The following UBQLN4 variants were observed in gnomAD, a reference collection of about 807,000 sequenced individuals.
The protein encoded by UBQLN4 is ubiquilin-4.
UBQLN4 carries 11 observed loss-of-function variants against 60.4 expected under a neutral mutation model. That is an observed-to-expected ratio of 0.18 (90% confidence interval 0.11 to 0.30). The LOEUF (loss-of-function observed/expected upper bound fraction) is 0.30. UBQLN4 is among the 10% of genes least tolerant of loss of function. UBQLN4 has a pLI of 1.00. For synonymous variants in UBQLN4, 258 were observed against 313.1 expected (o/e 0.82, Z 1.86); for missense variants, 417 against 795.5 (o/e 0.52, Z 5.72).
At position 156,050,233 on chromosome 1, in the gene UBQLN4, TG is replaced by T; in HGVS notation, c.741+57del. The T allele has an allele frequency of 6.6e-7, 1 of 1,508,004 alleles. No homozygotes were observed. Among genetic ancestry groups the T allele is most frequent in the Admixed American group, 2.2e-5 (1 of 45,094 alleles). 93.4% of individuals were successfully genotyped at this position (1,508,004 alleles called of 1,614,324 possible). ...CAATGTAGGACAAAGTAGGAAAGGC[TG>T]GGCAGGGCACGGCTGGGCACCAGTG... On this transcript the variant is annotated intron_variant, in intron 4 of 10. Coordinates refer to ENST00000368309, the MANE Select transcript of UBQLN4 (RefSeq NM_020131.5). This position sits in a 1 kb window ranked among gnomAD's most constrained non-coding sequence, Gnocchi z 4.6.
At chr1:156,041,389 C>A in intron 10 of UBQLN4, 96 bp downstream of exon 10, 1 of 1,357,708 alleles carries the variant, frequency 7.4e-7, no homozygotes, top group Non-Finnish European at 9.8e-7. Flanking sequence ...GACCTGACTC[C>A]CAAGCTTGCC....
At chr1:156,040,732 G>A (rs1041863323) in intron 10 of UBQLN4, among the ~76,000 whole-genome samples, 6 of 152,246 alleles carry the variant, frequency 3.9e-5, no homozygotes, top group South Asian at 2.1e-4. Flanking sequence ...GATTACAGGC[G>A]TGAGCCACCG....
At chr1:156,042,028 G>A (rs1309186014) in intron 8 of UBQLN4, 41 bp from the exon 9 acceptor site, 1 of 1,612,806 alleles carries the variant, frequency 6.2e-7, no homozygotes, top group East Asian at 2.2e-5. Context: ...AGAGGTGGCA[G>A]GAAAGAGGAG....
At chr1:156,033,106 G>A (rs754835724), downstream of UBQLN4, 16 of 629,238 alleles carry the variant, frequency 2.5e-5, no homozygotes, top group South Asian at 7.0e-5. Context: ...CAAGTTGTCT[G>A]TCCATGTTTT....
downstream of UBQLN4, among the ~76,000 whole-genome samples, chr1:156,034,825 CTATATATA>C (rs34720108): frequency 0.012 from 558 of 46,354 alleles, 7 homozygotes; most frequent in African/African-American, 0.033. Flanking sequence ...CCTTAACCTT[CTATATATA>C]TATATATATA....
rs1264234854 is a variant in UBQLN4, at chr1:156,051,711, A to T, written c.255T>A (p.Pro85=). 29 of 1,613,384 alleles carry T rather than the reference A, an allele frequency of 1.8e-5. No homozygotes were observed. The highest frequency in any genetic ancestry group is 2.4e-5 in the Non-Finnish European group (28 of 1,179,976). ...TGCTCTGCTCCTGAACTTACTTCTG[A>T]GGGGTCTTGATGACCAGATGGACAG... ...GLTVHLVIKT[P]QKAQDPAAAT... is the part of the protein sequence containing the mutation. Residue 85 remains proline (P), a synonymous_variant, in exon 2 of 11, where the codon CCT becomes CCA. Coordinates refer to ENST00000368309, the MANE Select transcript of UBQLN4 (RefSeq NM_020131.5).
chr1:156,035,786 C>T lies in UBQLN4; in HGVS notation c.*1192G>A, dbSNP rs1359417244. The T allele has an allele frequency of 5.5e-5, 54 of 985,536 alleles. 1 individual carries two copies. The South Asian group carries it at 6.1e-4, about 11-fold the overall frequency. The allele number at this position is 985,536 out of a possible 1,614,324, so 61.0% of individuals were successfully genotyped here. A position where few individuals can be genotyped will look rare whatever the true frequency, so the allele number is the denominator to read the frequency against. ...AGAGCCCCAAGGGACCTAGCTCTCC[C>T]GGATATATATTCCTGCAATGGACTG... On this transcript the variant is annotated 3_prime_UTR_variant, in exon 11 of 11. Transcript: ENST00000368309.
intron 5 of UBQLN4, among the ~76,000 whole-genome samples, chr1:156,047,525 C>T (rs1683739527): frequency 1.3e-5 from 2 of 151,394 alleles, no homozygotes; most frequent in African/African-American, 4.9e-5. Flanking sequence ...TTACAGGTGT[C>T]AGCCACTGCG....
intron 6 of UBQLN4, among the ~76,000 whole-genome samples, chr1:156,043,650 C>T (rs757296183): frequency 7.2e-5 from 11 of 152,140 alleles, no homozygotes; most frequent in Non-Finnish European, 1.3e-4. Flanking sequence ...CCCTTTCCCC[C>T]AGCCTCACAT....
At chr1:156,035,102 G>T (rs1683369623), downstream of UBQLN4, among the ~76,000 whole-genome samples, 1 of 150,592 alleles carries the variant, frequency 6.6e-6, no homozygotes. Context: ...AATATTTCTT[G>T]TTTTTTTGAG....
At chr1:156,046,034 T>C (rs1484395544) in intron 5 of UBQLN4, among the ~76,000 whole-genome samples, 3 of 151,568 alleles carry the variant, frequency 2.0e-5, no homozygotes, top group Non-Finnish European at 4.4e-5. Flanking sequence ...TTAGTAGAGA[T>C]GGGGTTTCGC....
In UBQLN4 at chr1:156,051,120, C is replaced by T. The variant is rs144103522; in HGVS notation, c.468G>A (p.Ala156=). 1.1e-4 allele frequency: 174 copies of T among 1,613,432 alleles called. 1 individual carries two copies. The highest frequency in any genetic ancestry group is 1.1e-3 in the East Asian group (48 of 44,878). ...GAGEGSPSAT[A]SILSGFGGIL... ...TCTCTGAGGGCTTACAGAGTATGGA[C>T]GCAGTAGCACTGGGGGATCCCTCCC... Residue 156 remains alanine, a synonymous_variant, in exon 3 of 11, where the codon GCG becomes GCA. Transcript: ENST00000368309.
chr1:156,033,406 G>A (rs1683328094), downstream of UBQLN4: 3 of 570,322 alleles, frequency 5.3e-6, no homozygotes, highest in Non-Finnish European at 6.6e-6. Context: ...TTGTTTTTTT[G>A]CTAGATGTAT....
At position 156,043,901 on chromosome 1, in the gene UBQLN4, G is replaced by A. The variant is rs1300504545; in HGVS notation, c.1126+97C>T. 7.5e-6 allele frequency: 10 copies of A among 1,336,446 alleles called. No individual in the cohort carries two copies. In the Admixed American group the frequency reaches 2.1e-4, roughly 27 times the overall value. The allele number at this position is 1,336,446 out of a possible 1,614,324, so 82.8% of individuals were successfully genotyped here. On this transcript the variant is annotated intron_variant, in intron 6 of 10. Coordinates refer to ENST00000368309, the MANE Select transcript of UBQLN4 (RefSeq NM_020131.5). ...CTGTGGCCTCGATAGTCTCACCTCT[G>A]TCTTCAAAATCCTGGAGCAGTATGA...
chr1:156,041,608 C>T lies in UBQLN4; in HGVS notation c.1530G>A (p.Thr510=), dbSNP rs368707512. The change falls in exon 10 of 11, where the codon ACG becomes ACA. Residue 510 remains threonine (T), a synonymous_variant. Transcript: ENST00000368309. ...APSAGSNAGS[T]PEAPTSSPAT... ...CTGGTGAGGAAGTGGGGGCCTCGGGCGTAGACCCTGCGTTGCTGCCTGCTG... is the reference window on the plus strand; with the variant it reads ...CTGGTGAGGAAGTGGGGGCCTCGGGTGTAGACCCTGCGTTGCTGCCTGCTG... 9.9e-6 allele frequency: 16 copies of T among 1,610,196 alleles called. No individual in the cohort carries two copies. Among genetic ancestry groups the T allele is most frequent in the African/African-American group, 8.0e-5 (6 of 74,920 alleles).
At position 156,048,541 on chromosome 1, in the gene UBQLN4, G is replaced by A. The variant is rs748390449; in HGVS notation, c.860C>T (p.Thr287Met). ...GGYNALRRMY[T>M]DIQEPMFSAA... ...ACTGAACATGGGCTCCTGGATGTCC[G>A]TGTACATGCGGCGGAGGGCATTATA... The change falls in exon 5 of 11, where the codon ACG becomes ATG. Residue 287 changes from threonine (T) to methionine (M), a missense_variant. Transcript: ENST00000368309. This position sits in a 1 kb window ranked among gnomAD's most constrained non-coding sequence, Gnocchi z 4.9. The A allele has an allele frequency of 5.0e-6, 8 of 1,612,814 alleles. No homozygotes were observed. The highest frequency in any genetic ancestry group is 1.1e-5 in the South Asian group (1 of 91,058).
downstream of UBQLN4, among the ~76,000 whole-genome samples, chr1:156,031,779 T>A (rs1367547380): frequency 3.3e-5 from 5 of 151,354 alleles, no homozygotes; most frequent in African/African-American, 1.2e-4. Context: ...AGAGACGGGG[T>A]TTCGCAGTGT....
At chr1:156,038,553 A>G (rs1683464667) in intron 10 of UBQLN4, among the ~76,000 whole-genome samples, 1 of 151,970 alleles carries the variant, frequency 6.6e-6, no homozygotes, top group Non-Finnish European at 1.5e-5. Context: ...GCTACTCAGG[A>G]GGCTGAGGCA....
chr1:156,049,469 C>T (rs1683805452), intron 4 of UBQLN4, among the ~76,000 whole-genome samples: 1 of 152,184 alleles, frequency 6.6e-6, no homozygotes, highest in Non-Finnish European at 1.5e-5. Flanking sequence ...ATAAGTATAA[C>T]TACTTGTTCC....
Sources: gnomAD v4.1 joint callset for allele counts (sites outside exome capture counted in the v4.1 genomes callset) on GRCh38, gnomAD v4.1.1 for gene constraint, Gnocchi (gnomAD v3.1) non-coding constraint, MANE v1.5 for transcripts, NCBI Gene and HGNC (gene_info 2026-07-23, HGNC 2026-07-21) for gene names.